Variants in LINGO4 observed in about 807,000 individuals in gnomAD.
The protein encoded by LINGO4 is leucine rich repeat and Ig domain containing 4.
Under a neutral mutation model 27.9 loss-of-function variants are expected in LINGO4, and 22 were observed. The observed-to-expected ratio is 0.79, with a 90% CI of 0.56 to 1.13. LINGO4 has a LOEUF of 1.13. Among genes scored for constraint, LINGO4 ranks in the 50% most tolerant of loss-of-function variants. The probability of loss-of-function intolerance (pLI) is 0.00; values close to 1 mark genes in which losing one functional copy is unlikely to be tolerated. For missense variants in LINGO4, 706 were observed against 739.4 expected, an observed-to-expected ratio of 0.95 and a Z score of 0.52; for synonymous variants, 306 against 325.8, an observed-to-expected ratio of 0.94 and a Z score of 0.65.
At chr1:151,803,239 G>A (rs1651203187) in intron 1 of LINGO4, among the ~76,000 whole-genome samples, 1 of 152,170 alleles carries the variant, frequency 6.6e-6, no homozygotes, top group Non-Finnish European at 1.5e-5. Context: ...GTCCTGACTG[G>A]AGAGGTCCTC....
Position 151,802,465 on chromosome 1 carries a change from G to A in LINGO4, c.240C>T (p.Leu80=). 1.2e-6 allele frequency: 2 copies of A among 1,614,152 alleles called. No individual in the cohort carries two copies. The highest frequency in any genetic ancestry group is 1.7e-6 in the Non-Finnish European group (2 of 1,180,006). ...NRLWGLQQGM[L]SRLSLLQELD... is the part of the protein sequence containing the mutation. ...ATTCCTGGAGCAGGCTCAGGCGGGA[G>A]AGCATTCCCTGCTGGAGCCCCCACA... Residue 80 remains leucine, a synonymous_variant, in exon 2 of 2, where the codon CTC becomes CTT. Transcript: ENST00000368820.
At chr1:151,802,770 G>T in intron 1 of LINGO4, 53 bp from the exon 2 acceptor site, 3 of 1,289,900 alleles carry the variant, frequency 2.3e-6, no homozygotes, top group South Asian at 3.2e-5. Context: ...AGATGACGGT[G>T]ACCCTGGACT....
At position 151,801,132 on chromosome 1, in the gene LINGO4, A is replaced by G; in HGVS notation, c.1573T>C (p.Phe525Leu). 6.2e-7 allele frequency: 1 copy of G among 1,614,024 alleles called. No homozygotes were observed. The highest frequency in any genetic ancestry group is 1.7e-5 in the Admixed American group (1 of 59,998). ...NITVPGIPGPFFLDSRGVAMV... is the reference protein window; with the variant it reads ...NITVPGIPGPLFLDSRGVAMV... ...GCCACACCTCTGCTATCCAGAAAAA[A>G]AGGCCCTGGGATCCCTGGCACGGTG... The change falls in exon 2 of 2, where the codon TTT becomes CTT. Residue 525 changes from phenylalanine (F) to leucine (L), a missense_variant. Phe to Leu is a conservative substitution (Grantham distance 22). Transcript: ENST00000368820. This position sits in a 1 kb window ranked among gnomAD's most constrained non-coding sequence, Gnocchi z 5.7.
Position 151,800,746 on chromosome 1 carries a change from A to T in LINGO4, c.*177T>A. 1.6e-6 allele frequency: 1 copy of T among 607,670 alleles called. No individual in the cohort carries two copies. The allele number at this position is 607,670 out of a possible 1,614,324, so 37.6% of individuals were successfully genotyped here. ...CCCTCAGAGAAGAAATGACAATGCT[A>T]TCCTCAGACCGGAAAAGCTCAGGAA... On this transcript the variant is annotated 3_prime_UTR_variant, in exon 2 of 2. Coordinates refer to ENST00000368820, the MANE Select transcript of LINGO4 (RefSeq NM_001004432.4).
chr1:151,802,396 G>A lies in LINGO4; in HGVS notation c.309C>T (p.Ala103=), dbSNP rs1269137109. The A allele has an allele frequency of 1.9e-6, 3 of 1,614,090 alleles. No homozygotes were observed. The highest frequency in any genetic ancestry group is 3.3e-5 in the Admixed American group (2 of 60,008). The part of the protein sequence containing the change: ...YNQLSTLEPG[A]FHGLQSLLTL... ...TGAGTAGGCTTTGTAGGCCATGGAA[G>A]GCCCCAGGCTCAAGGGTTGAGAGCT... The change falls in exon 2 of 2, where the codon GCC becomes GCT. Residue 103 remains alanine, a synonymous_variant. Coordinates refer to ENST00000368820, the MANE Select transcript of LINGO4 (RefSeq NM_001004432.4).
In LINGO4 at chr1:151,801,622, G is replaced by A. The variant is rs1362890936; in HGVS notation, c.1083C>T (p.Thr361=). The A allele has an allele frequency of 1.2e-6, 2 of 1,614,050 alleles. No individual in the cohort carries two copies. Among genetic ancestry groups the A allele is most frequent in the South Asian group, 2.2e-5 (2 of 91,086 alleles). The change falls in exon 2 of 2, where the codon ACC becomes ACT. Residue 361 remains threonine (T), a synonymous_variant. Transcript: ENST00000368820. The surrounding 1 kb of genome is among the most constrained non-coding windows in gnomAD (Gnocchi z 5.7). ...GCAGCCAGAGGAGGCGGCAGTCACAGGTTAGGGGGTTGCCAGACAGCCTCA... is the reference window on the plus strand; with the variant it reads ...GCAGCCAGAGGAGGCGGCAGTCACAAGTTAGGGGGTTGCCAGACAGCCTCA... The part of the protein sequence containing the change: ...VTLRLSGNPL[T]CDCRLLWLLR...
chr1:151,800,992 G>C lies in LINGO4; in HGVS notation c.1713C>G (p.Asp571Glu), dbSNP rs763021014. The C allele has an allele frequency of 3.7e-6, 6 of 1,614,026 alleles. No individual in the cohort carries two copies. The highest frequency in any genetic ancestry group is 1.1e-5 in the South Asian group (1 of 91,088). The change falls in exon 2 of 2, where the codon GAC becomes GAG. Residue 571 changes from aspartate (D) to glutamate (E), a missense_variant. Transcript: ENST00000368820. ...CCCCAGAGGGCCGAGGTGCCACAAA[G>C]TCAAAGGTCATGTGATGTTTGACCC... ...KGRVKHHMTFDFVAPRPSGDK... is the reference protein window; with the variant it reads ...KGRVKHHMTFEFVAPRPSGDK...
chr1:151,802,616 C>G lies in LINGO4; in HGVS notation c.89G>C (p.Ser30Thr). ...LLLLPGGSGG[S>T]CPAVCDCTSQ... is the part of the protein sequence containing the mutation. Reference sequence around the variant, plus strand: ...GGTGCAGTCACACACAGCAGGGCAGCTGCCACCGCTCCCTCCAGGTAGGAG... The same window carrying G: ...GGTGCAGTCACACACAGCAGGGCAGGTGCCACCGCTCCCTCCAGGTAGGAG... Residue 30 changes from serine (S) to threonine (T), a missense_variant, in exon 2 of 2, where the codon AGC becomes ACC. Coordinates refer to ENST00000368820, the MANE Select transcript of LINGO4 (RefSeq NM_001004432.4). 1.9e-6 allele frequency: 3 copies of G among 1,596,264 alleles called. No individual in the cohort carries two copies. The highest frequency in any genetic ancestry group is 2.6e-6 in the Non-Finnish European group (3 of 1,170,970).
In LINGO4 at chr1:151,801,417, G is replaced by A; in HGVS notation, c.1288C>T (p.His430Tyr). ...PRWVIAEEGG[H>Y]AVFSCSGDGD... The stretch of plus-strand genomic sequence containing the variant: ...TCTCCAGAGCAGGAGAAAACCGCAT[G>A]CCCGCCCTCCTCTGCAATGACCCAT... The change falls in exon 2 of 2, where the codon CAT (histidine) becomes TAT (tyrosine). Residue 430 changes from histidine (H) to tyrosine (Y), a missense_variant. By Grantham distance (83) the His-to-Tyr change is moderately conservative. Coordinates refer to ENST00000368820, the MANE Select transcript of LINGO4 (RefSeq NM_001004432.4). This position sits in a 1 kb window ranked among gnomAD's most constrained non-coding sequence, Gnocchi z 5.7. 1 of 1,614,096 alleles carries A rather than the reference G, an allele frequency of 6.2e-7. No individual in the cohort carries two copies. Among genetic ancestry groups the A allele is most frequent in the Non-Finnish European group, 8.5e-7 (1 of 1,180,042 alleles).
rs370859885 is a variant in LINGO4 at position 151,801,040 on chromosome 1, G to C, written c.1665C>G (p.Ala555=). The change falls in exon 2 of 2, where the codon GCC becomes GCG. Residue 555 remains alanine, a synonymous_variant. Coordinates refer to ENST00000368820, the MANE Select transcript of LINGO4 (RefSeq NM_001004432.4). This position sits in a 1 kb window ranked among gnomAD's most constrained non-coding sequence, Gnocchi z 5.7. ...TSVTLCFGLI[A]LWSKGKGRVK... ...CCCGACCTTTGCCCTTGCTCCAAAG[G>C]GCAATCAGGCCAAAGCAGAGGGTCA... 33 of 1,614,072 alleles carry C rather than the reference G, an allele frequency of 2.0e-5. No individual in the cohort carries two copies. The East Asian group carries it at 4.2e-4, about 21-fold the overall frequency.
intron 1 of LINGO4, 134 bp from the exon 2 acceptor site, chr1:151,802,851 AC>A (rs563547572): frequency 1.5e-4 from 83 of 538,678 alleles, no homozygotes; most frequent in Admixed American, 2.2e-4. Flanking sequence ...AGGGCACAGA[AC>A]CAGGAAGAAT....
intron 1 of LINGO4, among the ~76,000 whole-genome samples, chr1:151,803,094 A>C (rs998556103): frequency 6.6e-6 from 1 of 152,190 alleles, no homozygotes; most frequent in Admixed American, 6.5e-5. Flanking sequence ...GGAGGATCTC[A>C]GGTCCCTTCT....
Position 151,801,308 on chromosome 1 carries a change from T to A in LINGO4, c.1397A>T (p.Asp466Val). Residue 466 changes from aspartate to valine, a missense_variant, in exon 2 of 2, where the codon GAT becomes GTT. Transcript: ENST00000368820. The surrounding 1 kb of genome is among the most constrained non-coding windows in gnomAD (Gnocchi z 5.7). Reference sequence around the variant, plus strand: ...CACTGAGCGGATCTCCAGTGTCCCATCCTCTAGGACCCTTACTCTCCCAGC... The same window carrying A: ...CACTGAGCGGATCTCCAGTGTCCCAACCTCTAGGACCCTTACTCTCCCAGC... ...GRAGRVRVLE[D>V]GTLEIRSVQL... 2 of 1,613,274 alleles carry A rather than the reference T, an allele frequency of 1.2e-6. No individual in the cohort carries two copies. Among genetic ancestry groups the A allele is most frequent in the Non-Finnish European group, 1.7e-6 (2 of 1,179,306 alleles).
At position 151,802,731 on chromosome 1, in the gene LINGO4, T is replaced by C. The variant is rs1651190629; in HGVS notation, c.-13-14A>G. On this transcript the variant is annotated splice_polypyrimidine_tract_variant and intron_variant, in intron 1 of 1. Transcript: ENST00000368820. ...CCCTCTTCAGTCCTGGAATAGATGA[T>C]GACATGGCCCTTTTTGGAAAGTGGC... The C allele has an allele frequency of 3.4e-6, 5 of 1,452,974 alleles. No homozygotes were observed. Among genetic ancestry groups the C allele is most frequent in the Non-Finnish European group, 4.5e-6 (5 of 1,103,032 alleles). The allele number at this position is 1,452,974 out of a possible 1,614,324, so 90.0% of individuals were successfully genotyped here.
rs1651172886 is a variant in LINGO4, at chr1:151,802,247, C to T, written c.458G>A (p.Gly153Glu). Residue 153 changes from glycine to glutamate, a missense_variant, in exon 2 of 2, where the codon GGG (glycine) becomes GAG (glutamate). Gly to Glu is a moderately conservative substitution (Grantham distance 98). Coordinates refer to ENST00000368820, the MANE Select transcript of LINGO4 (RefSeq NM_001004432.4). ...QIVLFLDGAFGELGSLQKLEV... is the reference protein window; with the variant it reads ...QIVLFLDGAFEELGSLQKLEV... ...CAGCTTCTGGAGGCTGCCTAGCTCCCCAAAAGCTCCATCTAGGAAGAGAAC... is the reference window on the plus strand; with the variant it reads ...CAGCTTCTGGAGGCTGCCTAGCTCCTCAAAAGCTCCATCTAGGAAGAGAAC... 1 of 1,614,058 alleles carries T rather than the reference C, an allele frequency of 6.2e-7. No homozygotes were observed. The highest frequency in any genetic ancestry group is 1.7e-5 in the Admixed American group (1 of 59,996).
intron 1 of LINGO4, among the ~76,000 whole-genome samples, chr1:151,804,222 C>T (rs1651225866): frequency 6.6e-6 from 1 of 152,162 alleles, no homozygotes; most frequent in Non-Finnish European, 1.5e-5. Context: ...AAGGATCATT[C>T]TAGTGGCTAT....
Position 151,801,027 on chromosome 1 carries a change from C to G in LINGO4, c.1678G>C (p.Gly560Arg). ...CFGLIALWSK[G>R]KGRVKHHMTF... is the part of the protein sequence containing the mutation. ...ATGTGATGTTTGACCCGACCTTTGC[C>G]CTTGCTCCAAAGGGCAATCAGGCCA... Residue 560 changes from glycine (G) to arginine (R), a missense_variant, in exon 2 of 2, where the codon GGC (glycine) becomes CGC (arginine). By Grantham distance (125) the Gly-to-Arg change is moderately radical. Transcript: ENST00000368820. The surrounding 1 kb of genome is among the most constrained non-coding windows in gnomAD (Gnocchi z 5.7). The G allele has an allele frequency of 6.2e-7, 1 of 1,614,168 alleles. No homozygotes were observed.
chr1:151,802,372 G>T lies in LINGO4; in HGVS notation c.333C>A (p.Leu111=). ...PGAFHGLQSL[L]TLRLQGNRLR... is the part of the protein sequence containing the mutation. ...GCCGATTGCCCTGCAGCCTCAGGGT[G>T]AGTAGGCTTTGTAGGCCATGGAAGG... The change falls in exon 2 of 2, where the codon CTC becomes CTA. Residue 111 remains leucine (L), a synonymous_variant. Transcript: ENST00000368820. 1 of 1,614,226 alleles carries T rather than the reference G, an allele frequency of 6.2e-7. No homozygotes were observed. Among genetic ancestry groups the T allele is most frequent in the Admixed American group, 1.7e-5 (1 of 60,026 alleles).
Position 151,802,182 on chromosome 1 carries a change from C to A in LINGO4, c.523G>T (p.Ala175Ser). 6.2e-7 allele frequency: 1 copy of A among 1,614,014 alleles called. No individual in the cohort carries two copies. Among genetic ancestry groups the A allele is most frequent in the Non-Finnish European group, 8.5e-7 (1 of 1,180,012 alleles). ...CTCAACTTGGCTAGCCCTGCAAAGG[C>A]CCCCGGAGCCACAAATACCAGGTGG... ...DNHLVFVAPG[A>S]FAGLAKLSTL... The change falls in exon 2 of 2, where the codon GCC becomes TCC. Residue 175 changes from alanine to serine, a missense_variant. Ala to Ser is a moderately conservative substitution (Grantham distance 99, BLOSUM62 1). Coordinates refer to ENST00000368820, the MANE Select transcript of LINGO4 (RefSeq NM_001004432.4).
Sources: allele counts gnomAD v4.1 joint callset (sites outside exome capture counted in the v4.1 genomes callset), GRCh38; gene constraint gnomAD v4.1.1; non-coding constraint Gnocchi (gnomAD v3.1); transcripts MANE v1.5; gene names NCBI Gene and HGNC (gene_info 2026-07-23, HGNC 2026-07-21).